The following DDX4 variants were observed in gnomAD, a reference collection of about 807,000 sequenced individuals.
DDX4 encodes the protein DEAD-box helicase 4.
A neutral mutation model predicts 100.0 loss-of-function variants in DDX4; 25 were observed. The observed-to-expected ratio is 0.25, with a 90% CI of 0.18 to 0.35. The LOEUF (loss-of-function observed/expected upper bound fraction) is 0.35. Among genes scored for constraint, DDX4 ranks in the 10% least tolerant of loss-of-function variants. DDX4 has a pLI of 1.00. For synonymous variants in DDX4, 259 were observed against 275.7 expected (o/e 0.94, Z 0.60); for missense variants, 635 against 882.4 (o/e 0.72, Z 3.55).
At chr5:55,743,132 T>C (rs1444182607) in intron 2 of DDX4, among the ~76,000 whole-genome samples, 2 of 152,208 alleles carry the variant, frequency 1.3e-5, no homozygotes, top group Non-Finnish European at 1.5e-5. Flanking sequence ...CTCATAGTTC[T>C]GGAAGCCTGA....
intron 18 of DDX4, among the ~76,000 whole-genome samples, chr5:55,810,930 A>C (rs1480389757): frequency 6.6e-6 from 1 of 152,146 alleles, no homozygotes; most frequent in Non-Finnish European, 1.5e-5. Flanking sequence ...TAAACATAGA[A>C]AGTGACATGG....
At chr5:55,792,281 T>C (rs1742625381) in intron 16 of DDX4, among the ~76,000 whole-genome samples, 2 of 151,940 alleles carry the variant, frequency 1.3e-5, no homozygotes, top group South Asian at 2.1e-4. Flanking sequence ...TACAGTAATA[T>C]TATCTAAGCA....
intron 3 of DDX4, among the ~76,000 whole-genome samples, chr5:55,751,201 A>C (rs1438772633): frequency 6.6e-6 from 1 of 152,170 alleles, no homozygotes; most frequent in Non-Finnish European, 1.5e-5. Flanking sequence ...AATTAATTTT[A>C]GCCAGTCTAT....
At chr5:55,775,104 T>G (rs530606448) in intron 7 of DDX4, among the ~76,000 whole-genome samples, 103 of 152,328 alleles carry the variant, frequency 6.8e-4, no homozygotes, top group Non-Finnish European at 1.1e-3. Context: ...TTCATACAAG[T>G]GGAATCGTAC....
At position 55,782,650 on chromosome 5, in the gene DDX4, A is replaced by G. The variant is rs926410435; in HGVS notation, c.625+669A>G. Among the ~76,000 whole-genome samples, 11 of 152,222 alleles carry G rather than the reference A, an allele frequency of 7.2e-5. No homozygotes were observed. In the East Asian group the frequency reaches 1.7e-3, roughly 24 times the overall value. ...TGTTTAATAAAATAATAATCATGAA[A>G]TGAGATGCTGTGTGGAAGTTAAAGA... On this transcript the variant is annotated intron_variant, in intron 10 of 21. Transcript: ENST00000505374.
Position 55,816,449 on chromosome 5 carries a change from T to TA in DDX4, c.2098-11dup, listed in dbSNP as rs397956329. 70 of 1,564,400 alleles carry TA rather than the reference T, an allele frequency of 4.5e-5. No individual in the cohort carries two copies. The South Asian group carries it at 7.3e-4, about 16-fold the overall frequency. On this transcript the variant is annotated splice_polypyrimidine_tract_variant and intron_variant, in intron 21 of 21. Transcript: ENST00000505374. ...TTGTTTGTTTCTTTTTTTTTTTTTT[T>TA]AAATAATTACCAGGGCAAGAGCACT...
chr5:55,739,323 G>A (rs1002757942), intron 2 of DDX4, among the ~76,000 whole-genome samples: 2 of 152,202 alleles, frequency 1.3e-5, no homozygotes, highest in Non-Finnish European at 2.9e-5. Flanking sequence ...AAATGTGGTT[G>A]ATATCAGTGA....
chr5:55,780,990 A>G (rs1334656086), intron 8 of DDX4, 76 bp from the exon 9 acceptor site: 2 of 1,347,104 alleles, frequency 1.5e-6, no homozygotes, highest in Non-Finnish European at 2.0e-6. Context: ...CCATAACTTG[A>G]TTTTTTTCTG....
intron 3 of DDX4, among the ~76,000 whole-genome samples, chr5:55,747,270 C>T (rs1016001624): frequency 3.3e-5 from 5 of 152,274 alleles, no homozygotes; most frequent in Admixed American, 2.6e-4. Context: ...CCCAGCCACT[C>T]GGAAGGCTGA....
At chr5:55,749,119 G>A (rs1759401671) in intron 3 of DDX4, among the ~76,000 whole-genome samples, 4 of 152,256 alleles carry the variant, frequency 2.6e-5, no homozygotes, top group African/African-American at 9.6e-5. Context: ...CACATTACTT[G>A]GCTTTAAAAT....
intron 14 of DDX4, among the ~76,000 whole-genome samples, chr5:55,787,211 G>A (rs958952331): frequency 6.6e-6 from 1 of 152,178 alleles, no homozygotes; most frequent in Non-Finnish European, 1.5e-5. Flanking sequence ...AGTCCATGAG[G>A]TCATACCATT....
chr5:55,805,054 G>A (rs534832539), intron 18 of DDX4, among the ~76,000 whole-genome samples: 16 of 152,100 alleles, frequency 1.1e-4, no homozygotes, highest in African/African-American at 3.9e-4. Flanking sequence ...TTGTAAGATG[G>A]ATTCCTAGGT....
intron 4 of DDX4, among the ~76,000 whole-genome samples, chr5:55,761,911 G>A (rs1740581332): frequency 6.6e-6 from 1 of 152,072 alleles, no homozygotes; most frequent in Non-Finnish European, 1.5e-5. Flanking sequence ...CGCCTGGACT[G>A]TATAGTTTCA....
Position 55,815,170 on chromosome 5 carries a change from A to G in DDX4, c.1985A>G (p.Asp662Gly), listed in dbSNP as rs774503380. ...LAQPLVKVLT[D>G]AQQDVPAWLE... ...CAGCCTCTAGTAAAAGTATTGACAG[A>G]TGTAAGTTAAACTTTTATGATGGAA... The change falls in exon 20 of 22, where the codon GAT (aspartate) becomes GGT (glycine). Residue 662 changes from aspartate to glycine, a missense_variant and splice_region_variant. Asp to Gly is a moderately conservative substitution (Grantham distance 94). Coordinates refer to ENST00000505374, the MANE Select transcript of DDX4 (RefSeq NM_024415.3). 6.2e-7 allele frequency: 1 copy of G among 1,612,914 alleles called. No individual in the cohort carries two copies. The highest frequency in any genetic ancestry group is 8.5e-7 in the Non-Finnish European group (1 of 1,179,398).
intron 17 of DDX4, among the ~76,000 whole-genome samples, chr5:55,796,316 G>C (rs376674891): frequency 6.6e-6 from 1 of 152,110 alleles, no homozygotes; most frequent in South Asian, 2.1e-4. Context: ...ATATAATCAA[G>C]TTGACACCAA....
At chr5:55,806,397 G>C (rs1743722519) in intron 18 of DDX4, among the ~76,000 whole-genome samples, 1 of 152,076 alleles carries the variant, frequency 6.6e-6, no homozygotes, top group South Asian at 2.1e-4. Flanking sequence ...TGCTTCTCTA[G>C]TTCTTTTAAT....
intron 18 of DDX4, among the ~76,000 whole-genome samples, chr5:55,805,161 G>A (rs935527977): frequency 1.3e-5 from 2 of 151,738 alleles, no homozygotes; most frequent in Admixed American, 6.6e-5. Flanking sequence ...TGTGATTTTT[G>A]TACATTGATT....
intron 16 of DDX4, among the ~76,000 whole-genome samples, chr5:55,791,900 A>G (rs1352953402): frequency 6.6e-6 from 1 of 152,134 alleles, no homozygotes; most frequent in Non-Finnish European, 1.5e-5. Context: ...TCACGAGGTC[A>G]GGAGATAGAG....
At chr5:55,750,908 A>G (rs1383304390) in intron 3 of DDX4, among the ~76,000 whole-genome samples, 1 of 151,914 alleles carries the variant, frequency 6.6e-6, no homozygotes, top group Non-Finnish European at 1.5e-5. Context: ...ATCTACTCCC[A>G]TTCTTCCTCC....
Sources: allele counts gnomAD v4.1 joint callset (sites outside exome capture counted in the v4.1 genomes callset), GRCh38; gene constraint gnomAD v4.1.1; transcripts MANE v1.5; gene names NCBI Gene and HGNC (gene_info 2026-07-23, HGNC 2026-07-21).